Variants in EXOC6B observed in about 807,000 individuals in gnomAD.
The protein encoded by EXOC6B is SEC15 homolog B.
EXOC6B carries 54 observed loss-of-function variants against 113.5 expected under a neutral mutation model. The observed-to-expected ratio is 0.48, with a 90% CI of 0.38 to 0.60. EXOC6B has a LOEUF of 0.60. Ranked by LOEUF, EXOC6B falls within the 20% of genes least tolerant of loss-of-function variation. The probability of loss-of-function intolerance (pLI) is 0.00; values close to 1 mark genes in which losing one functional copy is unlikely to be tolerated. For synonymous variants in EXOC6B, 357 were observed against 339.0 expected (o/e 1.05, Z -0.58); for missense variants, 797 against 977.5 (o/e 0.82, Z 2.46).
chr2:72,361,082 T>C (rs1243300880), intron 19 of EXOC6B, among the ~76,000 whole-genome samples: 2 of 152,066 alleles, frequency 1.3e-5, no homozygotes, highest in African/African-American at 4.8e-5. Context: ...AGGATCTACA[T>C]ACAACAGTGT....
At chr2:72,473,388 T>A (rs1047954376) in intron 17 of EXOC6B, among the ~76,000 whole-genome samples, 3 of 152,130 alleles carry the variant, frequency 2.0e-5, no homozygotes, top group South Asian at 4.1e-4. Flanking sequence ...GGATTTGGTG[T>A]TACATCCTCT....
At chr2:72,572,586 C>T (rs1358427492) in intron 7 of EXOC6B, among the ~76,000 whole-genome samples, 1 of 152,162 alleles carries the variant, frequency 6.6e-6, no homozygotes, top group Non-Finnish European at 1.5e-5. Flanking sequence ...GATTCTATGC[C>T]ACAGTTACCA....
In EXOC6B at chr2:72,513,223, T is replaced by G; in HGVS notation, c.1076A>C (p.His359Pro). The change falls in exon 11 of 22, where the codon CAT becomes CCT. Residue 359 changes from histidine to proline, a missense_variant. Transcript: ENST00000272427. ...GFFVVEDHIL[H>P]TTQGLVNRAY... ...TCTATTTACTAAGCCCTGGGTTGTA[T>G]GTAAAATGTGATCTTCAACCACAAA... 2 of 1,612,944 alleles carry G rather than the reference T, an allele frequency of 1.2e-6. No individual in the cohort carries two copies. The highest frequency in any genetic ancestry group is 8.5e-7 in the Non-Finnish European group (1 of 1,179,278).
chr2:72,204,764 CTCT>C (rs1263068122), intron 20 of EXOC6B, among the ~76,000 whole-genome samples: 1 of 152,104 alleles, frequency 6.6e-6, no homozygotes, highest in Non-Finnish European at 1.5e-5. Context: ...CCTTGCTTTC[CTCT>C]TCTTCTTTGG....
chr2:72,753,486 C>T (rs1199874164), intron 1 of EXOC6B, among the ~76,000 whole-genome samples: 1 of 152,120 alleles, frequency 6.6e-6, no homozygotes, highest in South Asian at 2.1e-4. Context: ...CAGCTACTGC[C>T]TTGACTCATG....
At chr2:72,659,222 GAAGAAGAT>G (rs1674829866) in intron 6 of EXOC6B, among the ~76,000 whole-genome samples, 1 of 152,030 alleles carries the variant, frequency 6.6e-6, no homozygotes, top group African/African-American at 2.4e-5. Flanking sequence ...ACTCCCATCT[GAAGAAGAT>G]AAAGTCACAC....
At chr2:72,491,116 G>T (rs1373867985) in intron 16 of EXOC6B, among the ~76,000 whole-genome samples, 3 of 152,126 alleles carry the variant, frequency 2.0e-5, no homozygotes, top group Non-Finnish European at 4.4e-5. Flanking sequence ...TTATAAAGGA[G>T]GTTAGCTATT....
At chr2:72,802,787 A>G (rs1175622285) in intron 1 of EXOC6B, among the ~76,000 whole-genome samples, 1 of 152,222 alleles carries the variant, frequency 6.6e-6, no homozygotes, top group Non-Finnish European at 1.5e-5. Context: ...ATTTTATCTT[A>G]CAGCAGTGGT....
intron 18 of EXOC6B, among the ~76,000 whole-genome samples, chr2:72,416,651 G>A (rs935026625): frequency 1.3e-5 from 2 of 152,116 alleles, no homozygotes; most frequent in African/African-American, 2.4e-5. Flanking sequence ...CCAGTTTACT[G>A]TTCTCTGAGG....
At chr2:72,508,184 A>AAAAAAACAC (rs923877882) in intron 11 of EXOC6B, among the ~76,000 whole-genome samples, 4 of 89,106 alleles carry the variant, frequency 4.5e-5, no homozygotes, top group African/African-American at 1.3e-4. Flanking sequence ...AAAAAAAAAA[A>AAAAAAACAC]ACACCTAAAA....
intron 20 of EXOC6B, among the ~76,000 whole-genome samples, chr2:72,195,444 G>T (rs886076932): frequency 1.3e-5 from 2 of 152,222 alleles, no homozygotes; most frequent in Admixed American, 6.5e-5. Flanking sequence ...AAGCAGGCAG[G>T]TGTGAATTTT....
At chr2:72,539,754 G>GCA (rs1488347904) in intron 8 of EXOC6B, among the ~76,000 whole-genome samples, 24 of 151,604 alleles carry the variant, frequency 1.6e-4, no homozygotes, top group African/African-American at 5.3e-4. Context: ...GTGTGTGCGC[G>GCA]CGCGCGCGCG....
At chr2:72,336,796 C>T (rs367559426) in intron 19 of EXOC6B, among the ~76,000 whole-genome samples, 1 of 152,090 alleles carries the variant, frequency 6.6e-6, no homozygotes, top group African/African-American at 2.4e-5. Flanking sequence ...CACCTGAGAT[C>T]AGGAGTTTGC....
chr2:72,413,020 G>A (rs1288407565), intron 18 of EXOC6B, among the ~76,000 whole-genome samples: 2 of 151,754 alleles, frequency 1.3e-5, no homozygotes, highest in East Asian at 3.9e-4. Flanking sequence ...GTGCAGTGGC[G>A]CGATCTCAGC....
chr2:72,363,143 TA>T (rs2104991068), intron 19 of EXOC6B, among the ~76,000 whole-genome samples: 1 of 152,240 alleles, frequency 6.6e-6, no homozygotes, highest in African/African-American at 2.4e-5. Flanking sequence ...TACTGAGATC[TA>T]AGATGAAATC....
At chr2:72,450,762 A>G (rs1441192002) in intron 18 of EXOC6B, among the ~76,000 whole-genome samples, 5 of 152,200 alleles carry the variant, frequency 3.3e-5, no homozygotes, top group Non-Finnish European at 7.3e-5. Flanking sequence ...ATGATTAGGA[A>G]TAGTCATAGT....
chr2:72,738,020 G>A (rs1280992076), intron 2 of EXOC6B, among the ~76,000 whole-genome samples: 1 of 152,028 alleles, frequency 6.6e-6, no homozygotes, highest in African/African-American at 2.4e-5. Context: ...TAAAGAAAAT[G>A]TAAAGATTTT....
At chr2:72,557,588 G>T (rs937571102) in intron 8 of EXOC6B, among the ~76,000 whole-genome samples, 5 of 152,036 alleles carry the variant, frequency 3.3e-5, no homozygotes, top group Admixed American at 6.6e-5. Flanking sequence ...ATAAGTGGGG[G>T]CTAAATGACA....
chr2:72,457,675 G>A (rs1697327003), intron 18 of EXOC6B, among the ~76,000 whole-genome samples: 1 of 152,044 alleles, frequency 6.6e-6, no homozygotes, highest in Admixed American at 6.6e-5. Flanking sequence ...AACTGTGTAT[G>A]CAATTGTAAA....
Sources: gnomAD v4.1 joint callset for allele counts (sites outside exome capture counted in the v4.1 genomes callset) on GRCh38, gnomAD v4.1.1 for gene constraint, MANE v1.5 for transcripts, NCBI Gene and HGNC (gene_info 2026-07-23, HGNC 2026-07-21) for gene names.